Variants in CYP3A4 observed in about 807,000 individuals in gnomAD.
CYP3A4 encodes cytochrome P450 family 3 subfamily A member 4.
A neutral mutation model predicts 54.9 loss-of-function variants in CYP3A4; 41 were observed. The ratio of observed to expected loss-of-function variants is 0.75; its 90% CI spans 0.58 to 0.97. CYP3A4 has a LOEUF of 0.97. CYP3A4 is among the 50% of genes least tolerant of loss of function. The pLI, the probability that CYP3A4 is intolerant of heterozygous loss-of-function variation, is 0.00. For missense variants in CYP3A4, 510 were observed against 597.3 expected, an observed-to-expected ratio of 0.85 and a Z score of 1.52; for synonymous variants, 179 against 205.2, an observed-to-expected ratio of 0.87 and a Z score of 1.09.
intron 12 of CYP3A4, among the ~76,000 whole-genome samples, chr7:99,759,612 A>G (rs543795202): frequency 6.6e-6 from 1 of 152,336 alleles, no homozygotes; most frequent in South Asian, 2.1e-4. Flanking sequence ...AAATGAGAGG[A>G]TATTGTTAAT....
intron 3 of CYP3A4, among the ~76,000 whole-genome samples, chr7:99,774,875 A>G (rs538842707): frequency 2.6e-5 from 4 of 152,100 alleles, no homozygotes; most frequent in Non-Finnish European, 4.4e-5. Context: ...TGGATATTCA[A>G]TTAGGAAAAG....
In CYP3A4 at chr7:99,760,832, C is replaced by T. The variant is rs1425544636; in HGVS notation, c.1403G>A (p.Cys468Tyr). 3 of 1,613,704 alleles carry T rather than the reference C, an allele frequency of 1.9e-6. No homozygotes were observed. The highest frequency in any genetic ancestry group is 1.7e-6 in the Non-Finnish European group (2 of 1,179,894). The change falls in exon 12 of 13, where the codon TGT becomes TAT. Residue 468 changes from cysteine (C) to tyrosine (Y), a missense_variant. By Grantham distance (194) the Cys-to-Tyr change is radical. Transcript: ENST00000651514. ...RVLQNFSFKP[C>Y]KETQIPLKLS... ...AAATTGACTAACCTGTGTTTCTTTA[C>T]AAGGTTTGAAGGAGAAGTTCTGAAG...
At chr7:99,759,424 GCA>G (rs28988598) in intron 12 of CYP3A4, among the ~76,000 whole-genome samples, 45,639 of 150,918 alleles carry the variant, frequency 0.3, 11,149 homozygotes, top group African/African-American at 0.67. Context: ...GCCCACATGT[GCA>G]CACACACACA....
Position 99,772,556 on chromosome 7 carries a change from A to AC in CYP3A4, c.318+33_318+34insG, listed in dbSNP as rs754283332. The AC allele has an allele frequency of 1.7e-5, 28 of 1,609,548 alleles. No individual in the cohort carries two copies. The South Asian group carries it at 2.0e-4, about 11-fold the overall frequency. On this transcript the variant is annotated intron_variant, in intron 4 of 12. Coordinates refer to ENST00000651514, the MANE Select transcript of CYP3A4 (RefSeq NM_017460.6). ...GAATTTCAAAATATAAATTTAATCA[A>AC]TCAGTATTTTAATTTCAACACATGA...
At chr7:99,764,508 T>G (rs148446343) in intron 9 of CYP3A4, among the ~76,000 whole-genome samples, 1 of 152,192 alleles carries the variant, frequency 6.6e-6, no homozygotes, top group Admixed American at 6.5e-5. Context: ...GAAGATATGT[T>G]TGAGGGAACT....
intron 1 of CYP3A4, 47 bp from the exon 2 acceptor site, chr7:99,780,132 G>A: frequency 6.4e-7 from 1 of 1,573,792 alleles, no homozygotes; most frequent in South Asian, 1.1e-5. Context: ...TGACTTTATA[G>A]ATATAGGGGT....
chr7:99,783,605 T>C (rs1031274969), intron 1 of CYP3A4, among the ~76,000 whole-genome samples: 2 of 95,786 alleles, frequency 2.1e-5, no homozygotes, highest in African/African-American at 5.7e-5. Flanking sequence ...TCCTTGAACA[T>C]CTTTTTTTTT....
intron 2 of CYP3A4, among the ~76,000 whole-genome samples, chr7:99,779,699 G>A (rs562382837): frequency 7.8e-4 from 118 of 152,242 alleles, no homozygotes; most frequent in African/African-American, 2.7e-3. Context: ...CCTGCATAGA[G>A]CAAAAAGAAA....
intron 3 of CYP3A4, 58 bp downstream of exon 3, chr7:99,777,970 G>A: frequency 2.9e-6 from 4 of 1,377,986 alleles, no homozygotes; most frequent in Non-Finnish European, 3.1e-6. Flanking sequence ...CCTCTGTGCA[G>A]TGGGGTAAAC....
intron 7 of CYP3A4, among the ~76,000 whole-genome samples, chr7:99,767,791 A>G (rs1038711645): frequency 2.6e-5 from 4 of 152,206 alleles, no homozygotes; most frequent in African/African-American, 9.6e-5. Context: ...GGCAAATAGA[A>G]ACTGTTTTGA....
chr7:99,763,947 T>G lies in CYP3A4; in HGVS notation c.934A>C (p.Ser312Arg). 6.2e-7 allele frequency: 1 copy of G among 1,613,992 alleles called. No homozygotes were observed. Among genetic ancestry groups the G allele is most frequent in the Non-Finnish European group, 8.5e-7 (1 of 1,179,950 alleles). Residue 312 changes from serine (S) to arginine (R), a missense_variant, in exon 10 of 13, where the codon AGT (serine) becomes CGT (arginine). Ser to Arg is a moderately radical substitution (Grantham distance 110, BLOSUM62 -1). Transcript: ENST00000651514. Reference sequence around the variant, plus strand: ...TCATACATAATGAAGGAGAGAACACTGCTCGTGGTTTCATAGCCAGCAAAA... The same window carrying G: ...TCATACATAATGAAGGAGAGAACACGGCTCGTGGTTTCATAGCCAGCAAAA... ...FIFAGYETTS[S>R]VLSFIMYELA...
chr7:99,763,855 C>A lies in CYP3A4; in HGVS notation c.1026G>T (p.Lys342Asn), dbSNP rs746102925. 1.2e-5 allele frequency: 19 copies of A among 1,613,812 alleles called. No individual in the cohort carries two copies. Among genetic ancestry groups the A allele is most frequent in the Admixed American group, 1.7e-5 (1 of 59,978 alleles). Reference sequence around the variant, plus strand: ...CCTTCTCCATGTACCATCCACTCACCTTATTGGGTAAAACTGCATCAATTT... The same window carrying A: ...CCTTCTCCATGTACCATCCACTCACATTATTGGGTAAAACTGCATCAATTT... Reference protein sequence around the residue: ...QEEIDAVLPNKAPPTYDTVLQ... With the variant: ...QEEIDAVLPNNAPPTYDTVLQ... Residue 342 changes from lysine (K) to asparagine (N), a missense_variant and splice_region_variant, in exon 10 of 13, where the codon AAG becomes AAT. By Grantham distance (94) the Lys-to-Asn change is moderately conservative. Coordinates refer to ENST00000651514, the MANE Select transcript of CYP3A4 (RefSeq NM_017460.6).
At position 99,778,088 on chromosome 7, in the gene CYP3A4, G is replaced by A. The variant is rs1815819960; in HGVS notation, c.166-8C>T. ...GTCAAACATACAAAAGCCCTGGGAG[G>A]AGAAACAAAATAATATTTGATTATT... On this transcript the variant is annotated splice_polypyrimidine_tract_variant and splice_region_variant and intron_variant, in intron 2 of 12. Transcript: ENST00000651514. 1 of 1,607,476 alleles carries A rather than the reference G, an allele frequency of 6.2e-7. No homozygotes were observed. The highest frequency in any genetic ancestry group is 2.2e-5 in the East Asian group (1 of 44,758).
chr7:99,758,224 G>T lies in CYP3A4; in HGVS notation c.1421C>A (p.Pro474His), dbSNP rs1815230275. ...AAGTCCTCCTAAGCTTAATTTCAGGGGGATCTGCAACAGTTAAACAAGCAT... is the reference window on the plus strand; with the variant it reads ...AAGTCCTCCTAAGCTTAATTTCAGGTGGATCTGCAACAGTTAAACAAGCAT... ...SFKPCKETQI[P>H]LKLSLGGLLQ... is the part of the protein sequence containing the mutation. Residue 474 changes from proline to histidine, a missense_variant, in exon 13 of 13, where the codon CCC becomes CAC. Pro to His is a moderately conservative substitution (Grantham distance 77). Transcript: ENST00000651514. 1.2e-6 allele frequency: 2 copies of T among 1,613,614 alleles called. No homozygotes were observed. The highest frequency in any genetic ancestry group is 1.3e-5 in the African/African-American group (1 of 74,958).
intron 3 of CYP3A4, among the ~76,000 whole-genome samples, chr7:99,776,722 T>A (rs1488852509): frequency 6.6e-6 from 1 of 152,026 alleles, no homozygotes; most frequent in Non-Finnish European, 1.5e-5. Flanking sequence ...GAGATAGCAT[T>A]AGGAGAAATA....
chr7:99,762,265 T>TG lies in CYP3A4; in HGVS notation c.1028dup (p.Pro344ThrfsTer5). On this transcript the variant is annotated frameshift_variant and splice_region_variant, in exon 11 of 13. Transcript: ENST00000651514. LOFTEE classifies it high-confidence loss of function. ...GTAGCACAGTATCATAGGTGGGTGG[T>TG]GCCTGGAAAGAACGAAACAGATTTG... 1 of 1,614,000 alleles carries TG rather than the reference T, an allele frequency of 6.2e-7. No individual in the cohort carries two copies. The highest frequency in any genetic ancestry group is 8.5e-7 in the Non-Finnish European group (1 of 1,179,968).
At chr7:99,760,515 G>A (rs910206531) in intron 12 of CYP3A4, among the ~76,000 whole-genome samples, 4 of 152,194 alleles carry the variant, frequency 2.6e-5, no homozygotes, top group African/African-American at 4.8e-5. Context: ...TCATGACTGT[G>A]CAAAATACTT....
chr7:99,780,830 T>C (rs1223582556), intron 1 of CYP3A4, among the ~76,000 whole-genome samples: 1 of 152,228 alleles, frequency 6.6e-6, no homozygotes, highest in Non-Finnish European at 1.5e-5. Context: ...GATTGACTCA[T>C]ATTTCCCTGA....
rs572627492 is a variant in CYP3A4 at position 99,767,886 on chromosome 7, T to A, written c.670+468A>T. ...CTCAGAGGGAAAGTTACAGCTGTAA[T>A]GTCTAAATTTAGAGGAACAAAAAAA... On this transcript the variant is annotated intron_variant, in intron 7 of 12. Coordinates refer to ENST00000651514, the MANE Select transcript of CYP3A4 (RefSeq NM_017460.6). Among the ~76,000 whole-genome samples the A allele has an allele frequency of 2.0e-5, 3 of 152,268 alleles. No homozygotes were observed. In the East Asian group the frequency reaches 5.8e-4, roughly 29 times the overall value.
Sources: gnomAD v4.1 joint callset for allele counts (sites outside exome capture counted in the v4.1 genomes callset) on GRCh38, gnomAD v4.1.1 for gene constraint, MANE v1.5 for transcripts, NCBI Gene and HGNC (gene_info 2026-07-23, HGNC 2026-07-21) for gene names.